PCDHA4: variants seen among roughly 807,000 people sequenced by gnomAD.
PCDHA4 encodes the protein protocadherin alpha-4.
A neutral mutation model predicts 61.4 loss-of-function variants in PCDHA4; 49 were observed. The observed-to-expected ratio is 0.80, with a 90% CI of 0.63 to 1.01. The LOEUF is 1.01. PCDHA4 is among the 50% of genes least tolerant of loss of function. PCDHA4 has a pLI of 0.00. For missense variants in PCDHA4, 1,254 were observed against 1,235.8 expected (o/e 1.01, Z -0.22); for synonymous variants, 590 against 550.3 (o/e 1.07, Z -1.01).
intron 1 of PCDHA4, among the ~76,000 whole-genome samples, chr5:140,944,406 C>T (rs1003379783): frequency 2.0e-5 from 3 of 152,084 alleles, no homozygotes; most frequent in Non-Finnish European, 2.9e-5. Flanking sequence ...AGGCTGGTCT[C>T]GAACTCCTGA....
chr5:140,928,014 G>A (rs1554205371), intron 1 of PCDHA4: 1 of 1,614,150 alleles, frequency 6.2e-7, no homozygotes, highest in Non-Finnish European at 8.5e-7. Flanking sequence ...CTAATGGTAG[G>A]GTCATTTGTG....
At chr5:141,006,108 T>G (rs1268824828) in intron 3 of PCDHA4, among the ~76,000 whole-genome samples, 3 of 151,864 alleles carry the variant, frequency 2.0e-5, no homozygotes, top group Non-Finnish European at 4.4e-5. Flanking sequence ...GTAAGGAGTT[T>G]TTTTTTTTTT....
chr5:140,929,992 C>T (rs1015837723), intron 1 of PCDHA4: 7 of 152,300 alleles, frequency 4.6e-5, no homozygotes, highest in East Asian at 1.9e-4. Flanking sequence ...TTGGGAATGA[C>T]ACCCTAAAAC....
intron 1 of PCDHA4, chr5:140,884,644 C>T (rs1554181804): frequency 6.2e-7 from 1 of 1,608,094 alleles, no homozygotes; most frequent in South Asian, 1.1e-5. Flanking sequence ...GGGAGGAGGA[C>T]TCAGAATGCT....
At chr5:140,926,512 C>T in intron 1 of PCDHA4, 1 of 197,914 alleles carries the variant, frequency 5.1e-6, no homozygotes. Context: ...GTCTCCCAGG[C>T]TCCGCCCTGC....
intron 1 of PCDHA4, chr5:140,967,146 AC>A: frequency 6.2e-7 from 1 of 1,610,972 alleles, no homozygotes; most frequent in Non-Finnish European, 8.5e-7. Context: ...CTGGCGCACA[AC>A]CCCGTGGCGG....
At chr5:140,883,416 G>T in intron 1 of PCDHA4, 1 of 1,614,158 alleles carries the variant, frequency 6.2e-7, no homozygotes, top group Non-Finnish European at 8.5e-7. Context: ...GGCTCAAATG[G>T]ACAGGTCACC....
intron 1 of PCDHA4, chr5:140,875,423 G>T: frequency 6.6e-7 from 1 of 1,524,996 alleles, no homozygotes; most frequent in Non-Finnish European, 8.8e-7. Context: ...CCTCAGGCAA[G>T]CGATCCCTTA....
chr5:140,961,236 T>G (rs246004), intron 1 of PCDHA4, among the ~76,000 whole-genome samples: 1 of 151,942 alleles, frequency 6.6e-6, no homozygotes, highest in African/African-American at 2.4e-5. Context: ...AAAAAGGTGA[T>G]GGAATTTATC....
At position 141,009,772 on chromosome 5, in the gene PCDHA4, C is replaced by G. The variant is rs782009776; in HGVS notation, c.2679C>G (p.Ile893Met). Residue 893 changes from isoleucine (I) to methionine (M), a missense_variant, in exon 4 of 4, where the codon ATC becomes ATG. By Grantham distance (10) the Ile-to-Met change is conservative (BLOSUM62 1). Transcript: ENST00000530339. ...TCATTATCCCAGGATCTCCTGCAAT[C>G]ATCTCCATCCGGCAGGAGCCTACTA... ...DKFIIPGSPA[I>M]ISIRQEPTNS... 4 of 1,614,158 alleles carry G rather than the reference C, an allele frequency of 2.5e-6. No individual in the cohort carries two copies. The East Asian group carries it at 8.9e-5, about 36-fold the overall frequency.
chr5:140,848,508 A>G, intron 1 of PCDHA4: 1 of 1,589,692 alleles, frequency 6.3e-7, no homozygotes, highest in Non-Finnish European at 8.6e-7. Flanking sequence ...GTTATACTCA[A>G]GTCGAGGAGA....
chr5:140,840,691 C>T (rs886762733), intron 1 of PCDHA4, among the ~76,000 whole-genome samples: 1 of 151,924 alleles, frequency 6.6e-6, no homozygotes, highest in Non-Finnish European at 1.5e-5. Context: ...GTAAATAAAA[C>T]GGTTCAGGCA....
At chr5:140,863,623 T>C (rs782448471) in intron 1 of PCDHA4, 49 of 322,260 alleles carry the variant, frequency 1.5e-4, no homozygotes, top group Non-Finnish European at 1.9e-4. Context: ...CATAGTGACA[T>C]TGATAATGTT....
At chr5:140,898,706 G>T (rs1554188200) in intron 1 of PCDHA4, among the ~76,000 whole-genome samples, 1 of 152,170 alleles carries the variant, frequency 6.6e-6, no homozygotes, top group Admixed American at 6.5e-5. Context: ...CTTTAAAGTA[G>T]TTTTTTCCAA....
chr5:140,980,890 C>G (rs1554242450), intron 2 of PCDHA4, among the ~76,000 whole-genome samples: 1 of 152,104 alleles, frequency 6.6e-6, no homozygotes, highest in African/African-American at 2.4e-5. Flanking sequence ...TCTTTCCAGT[C>G]TTGGACATCA....
intron 1 of PCDHA4, among the ~76,000 whole-genome samples, chr5:140,977,149 G>A (rs1484811068): frequency 6.6e-6 from 1 of 152,198 alleles, no homozygotes; most frequent in Non-Finnish European, 1.5e-5. Flanking sequence ...TGCTGGAACT[G>A]TGCCTTTCAG....
At chr5:140,992,153 T>C (rs191199905) in intron 3 of PCDHA4, among the ~76,000 whole-genome samples, 76 of 152,066 alleles carry the variant, frequency 5.0e-4, no homozygotes, top group African/African-American at 1.8e-3. Flanking sequence ...CTTTGCTCAA[T>C]CAAGAAGTGT....
intron 1 of PCDHA4, chr5:140,863,012 G>T (rs1562573828): frequency 1.8e-6 from 1 of 552,298 alleles, no homozygotes; most frequent in Non-Finnish European, 3.6e-6. Context: ...CAGCTATGAC[G>T]CCTGGTTGTC....
intron 1 of PCDHA4, among the ~76,000 whole-genome samples, chr5:140,905,229 G>A (rs2071688415): frequency 6.6e-6 from 1 of 152,156 alleles, no homozygotes; most frequent in African/African-American, 2.4e-5. Flanking sequence ...TGAGAGATGA[G>A]GATCCAGTTT....
Sources: gnomAD v4.1 joint callset for allele counts (sites outside exome capture counted in the v4.1 genomes callset) on GRCh38, gnomAD v4.1.1 for gene constraint, MANE v1.5 for transcripts, NCBI Gene and HGNC (gene_info 2026-07-23, HGNC 2026-07-21) for gene names.